Variants in CNTN3 observed in about 807,000 individuals in gnomAD.
CNTN3 encodes the protein contactin-3.
Under a neutral mutation model 119.1 loss-of-function variants are expected in CNTN3, and 60 were observed. The observed-to-expected ratio is 0.50, with a 90% CI of 0.41 to 0.62. CNTN3 has a LOEUF of 0.62. Among genes scored for constraint, CNTN3 ranks in the 20% least tolerant of loss-of-function variants. The probability of loss-of-function intolerance (pLI) is 0.00; values close to 1 mark genes in which losing one functional copy is unlikely to be tolerated. For missense variants in CNTN3, 1,101 were observed against 1,242.4 expected (o/e 0.89, Z 1.71); for synonymous variants, 450 against 438.7 (o/e 1.03, Z -0.32).
At chr3:74,451,442 A>C (rs1702153435) in intron 4 of CNTN3, among the ~76,000 whole-genome samples, 2 of 151,880 alleles carry the variant, frequency 1.3e-5, no homozygotes, top group Non-Finnish European at 1.5e-5. Flanking sequence ...AGGTTGTGAA[A>C]ATTTTCTCCC....
At chr3:74,364,852 A>C (rs181552667) in intron 9 of CNTN3, among the ~76,000 whole-genome samples, 7 of 152,304 alleles carry the variant, frequency 4.6e-5, no homozygotes, top group Admixed American at 3.3e-4. Context: ...CAGAGGTAAA[A>C]TATGCAACCA....
At chr3:74,533,853 G>A (rs1703726271) in intron 1 of CNTN3, among the ~76,000 whole-genome samples, 1 of 152,008 alleles carries the variant, frequency 6.6e-6, no homozygotes, top group Non-Finnish European at 1.5e-5. Flanking sequence ...ATCTGAGGAT[G>A]TTTTGGGTAG....
At chr3:74,372,738 A>G (rs555935173) in intron 5 of CNTN3, among the ~76,000 whole-genome samples, 1 of 152,246 alleles carries the variant, frequency 6.6e-6, no homozygotes, top group Non-Finnish European at 1.5e-5. Context: ...ACAATGAGAT[A>G]AGGAGAAGGG....
intron 1 of CNTN3, among the ~76,000 whole-genome samples, chr3:74,555,000 A>C (rs902927768): frequency 1.1e-4 from 16 of 152,318 alleles, no homozygotes; most frequent in African/African-American, 3.8e-4. Context: ...CGGTTTTCAA[A>C]GGGAAAGCTT....
At chr3:74,582,399 C>A (rs1362966008) in intron 1 of CNTN3, among the ~76,000 whole-genome samples, 1 of 47,146 alleles carries the variant, frequency 2.1e-5, no homozygotes, top group Non-Finnish European at 1.2e-4. Context: ...GAGCGAGACT[C>A]CGTCTAAAAA....
At chr3:74,485,558 A>G (rs965494257) in intron 4 of CNTN3, among the ~76,000 whole-genome samples, 7 of 152,128 alleles carry the variant, frequency 4.6e-5, no homozygotes, top group African/African-American at 1.7e-4. Context: ...ATGACCCATC[A>G]TTAATTTAAT....
chr3:74,444,502 A>T (rs1702017791), intron 4 of CNTN3, among the ~76,000 whole-genome samples: 1 of 152,162 alleles, frequency 6.6e-6, no homozygotes, highest in Admixed American at 6.6e-5. Context: ...AGAACTTTTC[A>T]TCTACCTGAC....
intron 4 of CNTN3, among the ~76,000 whole-genome samples, chr3:74,453,100 C>G (rs1413014325): frequency 6.6e-6 from 1 of 151,960 alleles, no homozygotes; most frequent in African/African-American, 2.4e-5. Context: ...GGTACCAGTT[C>G]CTCCTTGTAC....
intron 1 of CNTN3, among the ~76,000 whole-genome samples, chr3:74,597,307 T>C (rs1396890405): frequency 1.3e-5 from 2 of 152,060 alleles, no homozygotes; most frequent in East Asian, 1.9e-4. Flanking sequence ...CATGATTTAA[T>C]GGATGTAAAA....
intron 2 of CNTN3, among the ~76,000 whole-genome samples, chr3:74,513,391 G>A (rs1326087037): frequency 6.6e-6 from 1 of 152,018 alleles, no homozygotes; most frequent in African/African-American, 2.4e-5. Context: ...AAGATTGGAG[G>A]AGCAAATAAT....
At chr3:74,408,403 T>C (rs1194130995) in intron 5 of CNTN3, among the ~76,000 whole-genome samples, 1 of 152,194 alleles carries the variant, frequency 6.6e-6, no homozygotes, top group African/African-American at 2.4e-5. Flanking sequence ...TGGTCGGTTT[T>C]TCAAAGGTAT....
Position 74,371,265 on chromosome 3 carries a change from C to T in CNTN3, c.589G>A (p.Val197Met), listed in dbSNP as rs755419841. 4 of 1,613,550 alleles carry T rather than the reference C, an allele frequency of 2.5e-6. No homozygotes were observed. In the South Asian group the frequency reaches 4.4e-5, roughly 18 times the overall value. The change falls in exon 6 of 23, where the codon GTG (valine) becomes ATG (methionine). Residue 197 changes from valine (V) to methionine (M), a missense_variant. By Grantham distance (21) the Val-to-Met change is conservative. Coordinates refer to ENST00000263665, the MANE Select transcript of CNTN3 (RefSeq NM_020872.3). ...GCATTTGTCACCATACTTGTCACCACACATGTGTAATTTCCCACATCAGAC... is the reference window on the plus strand; with the variant it reads ...GCATTTGTCACCATACTTGTCACCATACATGTGTAATTTCCCACATCAGAC... ...EPSDVGNYTC[V>M]VTSMVTNARV...
intron 20 of CNTN3, among the ~76,000 whole-genome samples, chr3:74,280,725 G>C (rs1287248116): frequency 3.9e-5 from 6 of 152,210 alleles, no homozygotes; most frequent in Non-Finnish European, 7.3e-5. Context: ...TCTGGGAAGA[G>C]AGCAATGATC....
chr3:74,467,031 A>G (rs1435933906), intron 4 of CNTN3, among the ~76,000 whole-genome samples: 2 of 152,158 alleles, frequency 1.3e-5, no homozygotes, highest in African/African-American at 4.8e-5. Flanking sequence ...TTAAAACTAT[A>G]TCTTTTGGGA....
In CNTN3 at chr3:74,318,033, G is replaced by A. The variant is rs537733383; in HGVS notation, c.1669-15226C>T. Among the ~76,000 whole-genome samples, 660 of 152,172 alleles carry A rather than the reference G, an allele frequency of 4.3e-3. 7 individuals are homozygous for A. Among genetic ancestry groups the A allele is most frequent in the African/African-American group, 0.014 (600 of 41,532 alleles). On this transcript the variant is annotated intron_variant, in intron 13 of 22. Transcript: ENST00000263665. ...CCCGTATTTCTTGGAGGCTTTGTTCGTTTCTTTCTATTCTTTTTTCTCTAA... is the reference window on the plus strand; with the variant it reads ...CCCGTATTTCTTGGAGGCTTTGTTCATTTCTTTCTATTCTTTTTTCTCTAA...
intron 1 of CNTN3, among the ~76,000 whole-genome samples, chr3:74,548,126 T>C (rs928750732): frequency 2.0e-5 from 3 of 152,180 alleles, no homozygotes; most frequent in African/African-American, 7.2e-5. Flanking sequence ...ATTCTATATT[T>C]TAGTCCACCA....
intron 13 of CNTN3, among the ~76,000 whole-genome samples, chr3:74,330,704 A>C (rs1242118334): frequency 6.6e-6 from 1 of 152,164 alleles, no homozygotes; most frequent in Non-Finnish European, 1.5e-5. Flanking sequence ...TGACAGCACC[A>C]TGCATGTTAT....
chr3:74,469,177 G>C (rs1702516192), intron 4 of CNTN3, among the ~76,000 whole-genome samples: 1 of 152,066 alleles, frequency 6.6e-6, no homozygotes. Flanking sequence ...TAAAGAAACT[G>C]AGGCCCAGAG....
chr3:74,372,239 A>G (rs1382835114), intron 5 of CNTN3, among the ~76,000 whole-genome samples: 2 of 152,158 alleles, frequency 1.3e-5, no homozygotes. Flanking sequence ...GAAACACTCA[A>G]AGGCACTTAG....
Sources: gnomAD v4.1 joint callset for allele counts (sites outside exome capture counted in the v4.1 genomes callset) on GRCh38, gnomAD v4.1.1 for gene constraint, MANE v1.5 for transcripts, NCBI Gene and HGNC (gene_info 2026-07-23, HGNC 2026-07-21) for gene names.